APOLD1: variants seen among roughly 807,000 people sequenced by gnomAD.
The protein encoded by APOLD1 is apolipoprotein L domain-containing protein 1.
In APOLD1, 22 loss-of-function variants were observed where a neutral mutation model predicts 15.3. The observed-to-expected ratio is 1.44, with a 90% CI of 1.03 to 2.05. APOLD1 has a LOEUF of 2.05. Ranked by LOEUF, APOLD1 falls within the 30% of genes most tolerant of loss-of-function variation. APOLD1 has a pLI of 0.00. For missense variants in APOLD1, 394 were observed against 353.5 expected, an observed-to-expected ratio of 1.11 and a Z score of -0.92; for synonymous variants, 190 against 167.4, an observed-to-expected ratio of 1.13 and a Z score of -1.04.
intron 1 of APOLD1, among the ~76,000 whole-genome samples, chr12:12,760,837 CCTCT>C (rs1295402110): frequency 6.6e-6 from 1 of 152,156 alleles, no homozygotes. Context: ...AGTTACTCTA[CCTCT>C]CTAATAGTCA....
At chr12:12,744,586 AAAAC>A (rs1313519435) in intron 1 of APOLD1, among the ~76,000 whole-genome samples, 1 of 152,150 alleles carries the variant, frequency 6.6e-6, no homozygotes, top group East Asian at 1.9e-4. Context: ...TCCATATCAA[AAAAC>A]AAAGAACTGC....
At chr12:12,777,923 T>TTTTTTTGTTG (rs1555092183) in intron 1 of APOLD1, among the ~76,000 whole-genome samples, 12 of 121,624 alleles carry the variant, frequency 9.9e-5, no homozygotes, top group Non-Finnish European at 1.5e-4. Flanking sequence ...TTTTTTTTTT[T>TTTTTTTGTTG]TTGTTGTTGT....
intron 1 of APOLD1, among the ~76,000 whole-genome samples, chr12:12,770,918 A>T (rs974605400): frequency 3.9e-5 from 6 of 152,184 alleles, no homozygotes; most frequent in African/African-American, 1.4e-4. Context: ...ACTTCTCCTC[A>T]GACAGTATGC....
chr12:12,778,603 C>T (rs189325660), intron 1 of APOLD1, among the ~76,000 whole-genome samples: 41 of 152,096 alleles, frequency 2.7e-4, no homozygotes, highest in African/African-American at 9.9e-4. Flanking sequence ...GCTGGGATTA[C>T]AGGAGCCAGC....
In APOLD1 at chr12:12,787,971, CT is replaced by C. The variant is rs942724722; in HGVS notation, c.*320del. 7.3e-6 allele frequency: 2 copies of C among 274,662 alleles called. No individual in the cohort carries two copies. Among genetic ancestry groups the C allele is most frequent in the African/African-American group, 4.5e-5 (2 of 44,650 alleles). 17.0% of individuals were successfully genotyped at this position (274,662 alleles called of 1,614,324 possible). A position where few individuals can be genotyped will look rare whatever the true frequency, so the allele number is the denominator to read the frequency against. ...CTGTTTTAAAGTTATTTCGGGGTCC[CT>C]GACCCTGCCCTGGTGGCTTGGCCTG... On this transcript the variant is annotated 3_prime_UTR_variant, in exon 2 of 2. Transcript: ENST00000356591. This position sits in a 1 kb window ranked among gnomAD's most constrained non-coding sequence, Gnocchi z 4.9.
chr12:12,731,062 A>AC (rs1946637159), intron 1 of APOLD1, among the ~76,000 whole-genome samples: 1 of 152,146 alleles, frequency 6.6e-6, no homozygotes, highest in African/African-American at 2.4e-5. Context: ...AATGGCGTGA[A>AC]CCCGGGAGGC....
At chr12:12,757,345 C>G (rs1946864328) in intron 1 of APOLD1, among the ~76,000 whole-genome samples, 1 of 152,120 alleles carries the variant, frequency 6.6e-6, no homozygotes, top group Non-Finnish European at 1.5e-5. Context: ...CACAACAGAC[C>G]ACCCATCTCA....
intron 1 of APOLD1, among the ~76,000 whole-genome samples, chr12:12,777,909 T>G (rs1469647796): frequency 2.6e-4 from 8 of 30,836 alleles, no homozygotes; most frequent in South Asian, 1.2e-3. Flanking sequence ...TTTTTTTTTT[T>G]TTTTTTTTTT....
intron 1 of APOLD1, among the ~76,000 whole-genome samples, chr12:12,730,026 TTGTGTGTG>T (rs749843349): frequency 0.09 from 10,583 of 117,102 alleles, 490 homozygotes; most frequent in East Asian, 0.11. Flanking sequence ...CCAGCTAACT[TTGTGTGTG>T]TGTGTGTGTG....
chr12:12,790,631 G>C lies in APOLD1; in HGVS notation c.*2979G>C, dbSNP rs1592313787. 6.6e-6 allele frequency: 1 copy of C among 152,160 alleles called. No homozygotes were observed. The highest frequency in any genetic ancestry group is 1.9e-4 in the East Asian group (1 of 5,190). 9.4% of individuals were successfully genotyped at this position (152,160 alleles called of 1,614,324 possible). ...AGTGGCCCACTTTATTTCTAAGGAA[G>C]AGTGTCTACTTTGGAACGATACTTT... On this transcript the variant is annotated 3_prime_UTR_variant, in exon 2 of 2. Coordinates refer to ENST00000356591, the MANE Select transcript of APOLD1 (RefSeq NM_030817.3).
At chr12:12,761,156 A>G (rs1354337493) in intron 1 of APOLD1, among the ~76,000 whole-genome samples, 2 of 152,222 alleles carry the variant, frequency 1.3e-5, no homozygotes, top group Non-Finnish European at 2.9e-5. Flanking sequence ...TGCTTAATCT[A>G]ATACACTTGG....
intron 1 of APOLD1, among the ~76,000 whole-genome samples, chr12:12,769,535 C>G (rs185501550): frequency 1.8e-4 from 27 of 151,082 alleles, no homozygotes; most frequent in African/African-American, 6.1e-4. Context: ...AGTTTTACCT[C>G]CAGGGGCTCT....
intron 1 of APOLD1, among the ~76,000 whole-genome samples, chr12:12,759,951 T>G (rs983140443): frequency 3.9e-5 from 6 of 152,190 alleles, no homozygotes; most frequent in African/African-American, 1.4e-4. Context: ...AAAGCCATAT[T>G]GATAGATTGA....
intron 1 of APOLD1, among the ~76,000 whole-genome samples, chr12:12,730,073 TGTGTGAGAGA>T (rs769565912): frequency 0.059 from 2,577 of 43,416 alleles, 22 homozygotes; most frequent in Middle Eastern, 0.16. Context: ...TGTGTGTGTG[TGTGTGAGAGA>T]GAGAGAGAGA....
intron 1 of APOLD1, among the ~76,000 whole-genome samples, chr12:12,778,481 G>A (rs2136396572): frequency 7.2e-6 from 1 of 138,872 alleles, no homozygotes; most frequent in East Asian, 2.3e-4. Context: ...CTCCTCGTGT[G>A]GCTAATTTTT....
At chr12:12,776,025 AAC>A (rs1565436435) in intron 1 of APOLD1, among the ~76,000 whole-genome samples, 2 of 146,336 alleles carry the variant, frequency 1.4e-5, no homozygotes, top group Non-Finnish European at 3.0e-5. Context: ...AAAAAAAAAA[AAC>A]ACAACAAACA....
At chr12:12,776,333 T>C (rs1947033526) in intron 1 of APOLD1, among the ~76,000 whole-genome samples, 1 of 152,202 alleles carries the variant, frequency 6.6e-6, no homozygotes, top group Non-Finnish European at 1.5e-5. Flanking sequence ...GCTGCAATAC[T>C]GTTGTAGATG....
At chr12:12,746,603 TA>T (rs1214055971) in intron 1 of APOLD1, among the ~76,000 whole-genome samples, 1 of 152,208 alleles carries the variant, frequency 6.6e-6, no homozygotes, top group African/African-American at 2.4e-5. Flanking sequence ...TAAAGAATTT[TA>T]AAAAACTATT....
intron 1 of APOLD1, among the ~76,000 whole-genome samples, chr12:12,774,176 A>G (rs1947010217): frequency 6.6e-6 from 1 of 152,174 alleles, no homozygotes. Context: ...GGAAGAAAAT[A>G]TTTGCAAAAG....
Sources: gnomAD v4.1 joint callset for allele counts (sites outside exome capture counted in the v4.1 genomes callset) on GRCh38, gnomAD v4.1.1 for gene constraint, Gnocchi (gnomAD v3.1) non-coding constraint, MANE v1.5 for transcripts, NCBI Gene and HGNC (gene_info 2026-07-23, HGNC 2026-07-21) for gene names.